DNHD1: variants seen among roughly 807,000 people sequenced by gnomAD.
DNHD1 encodes the protein dynein heavy chain domain-containing protein 1.
A neutral mutation model predicts 458.1 loss-of-function variants in DNHD1; 383 were observed. The observed-to-expected ratio is 0.84, with a 90% CI of 0.77 to 0.91. DNHD1 has a LOEUF of 0.91. Among genes scored for constraint, DNHD1 ranks in the 40% least tolerant of loss-of-function variants. The probability of loss-of-function intolerance (pLI) is 0.00; values close to 1 mark genes in which losing one functional copy is unlikely to be tolerated. For synonymous variants in DNHD1, 2,203 were observed against 2,376.9 expected (o/e 0.93, Z 2.13); for missense variants, 5,336 against 5,866.1 (o/e 0.91, Z 2.95).
In DNHD1 at chr11:6,548,784, T is replaced by A; in HGVS notation, c.7238T>A (p.Ile2413Asn). The A allele has an allele frequency of 6.4e-7, 1 of 1,551,650 alleles. No individual in the cohort carries two copies. The highest frequency in any genetic ancestry group is 1.2e-5 in the South Asian group (1 of 84,046). ...EPHHPYIYSP[I>N]HPAFSSSHLR... The stretch of plus-strand genomic sequence containing the variant: ...CATCACCCTTACATATACAGCCCCA[T>A]CCACCCTGCCTTCAGTTCCTCCCAC... Residue 2413 changes from isoleucine (I) to asparagine (N), a missense_variant, in exon 24 of 43, where the codon ATC becomes AAC. Physicochemically the swap from Ile to Asn is moderately radical, Grantham distance 149 (BLOSUM62 -3). Around this residue, in one of 4 missense-constraint regions of DNHD1, gnomAD observed 3,932 missense variants for 4,365.6 expected, o/e 0.90. Transcript: ENST00000254579. This position sits in a 1 kb window ranked among gnomAD's most constrained non-coding sequence, Gnocchi z 4.4.
intron 10 of DNHD1, among the ~76,000 whole-genome samples, chr11:6,523,907 G>C (rs1457954600): frequency 6.6e-6 from 1 of 152,148 alleles, no homozygotes; most frequent in African/African-American, 2.4e-5. Flanking sequence ...AGGATTGCTT[G>C]ATCTCAGGAG....
At chr11:6,524,992 T>C (rs1852681354) in intron 10 of DNHD1, among the ~76,000 whole-genome samples, 1 of 152,218 alleles carries the variant, frequency 6.6e-6, no homozygotes, top group Non-Finnish European at 1.5e-5. Flanking sequence ...TTCCTGCTTT[T>C]AGCTATATTT....
chr11:6,513,366 T>C (rs1465796818), intron 7 of DNHD1, among the ~76,000 whole-genome samples: 1 of 152,212 alleles, frequency 6.6e-6, no homozygotes, highest in Admixed American at 6.5e-5. Flanking sequence ...TGGTGCCTCT[T>C]TCATTGATAC....
rs1312555023 is a variant in DNHD1, at chr11:6,540,003, CAG to C, written c.3551_3552del (p.Glu1184AlafsTer19). On this transcript the variant is annotated frameshift_variant, in exon 18 of 43. Transcript: ENST00000254579. ...CATGTACCCTACGAGCCCCCAGCCT[CAG>C]AGCGCTCCAAGAGGCAGGTGCTCCG... is the stretch of plus-strand genomic sequence containing the variant. 4.5e-6 allele frequency: 7 copies of C among 1,551,574 alleles called. No homozygotes were observed. The African/African-American group carries it at 9.6e-5, about 21-fold the overall frequency.
chr11:6,566,976 C>T lies in DNHD1; in HGVS notation c.11467C>T (p.Gln3823Ter), dbSNP rs1197073197. 2.5e-6 allele frequency: 4 copies of T among 1,613,968 alleles called. No individual in the cohort carries two copies. In the Admixed American group the frequency reaches 5.0e-5, roughly 20 times the overall value. ...GTTTCTGCGGAACATAGTGAGGGCC[C>T]AAGGAAAGCTATGCCAGCTGCGTGC... ...AKFLRNIVRA[Q>*]GKLCQLRAHC... Residue 3823 changes from glutamine (Q) to a stop codon, truncating the protein, a stop_gained, in exon 36 of 43, where the codon CAA becomes TAA. Transcript: ENST00000254579. LOFTEE classifies it high-confidence loss of function.
At position 6,546,665 on chromosome 11, in the gene DNHD1, C is replaced by CTGCCCTACTGCA. The variant is rs11268490; in HGVS notation, c.5737_5738insATGCCCTACTGC (p.Leu1912_Arg1913insHisAlaLeuLeu). On this transcript the variant is annotated inframe_insertion, in exon 21 of 43. Transcript: ENST00000254579. Reference sequence around the variant, plus strand: ...CGCAGCCTAGCTGCCATTGAGGAGGCTGCCCTACTGCGCTCACCACTGTTT... The same window carrying CTGCCCTACTGCA: ...CGCAGCCTAGCTGCCATTGAGGAGGCTGCCCTACTGCATGCCCTACTGCGCTCACCACTGTTT... 1 allele frequency: 1,549,494 copies of CTGCCCTACTGCA among 1,550,764 alleles called. 774,112 individuals are homozygous for CTGCCCTACTGCA. The highest frequency in any genetic ancestry group is 1 in the South Asian group (84,020 of 84,028).
Position 6,547,048 on chromosome 11 carries a change from A to G in DNHD1, c.6109A>G (p.Ser2037Gly), listed in dbSNP as rs146014217. Residue 2037 changes from serine to glycine, a missense_variant, in exon 21 of 43, where the codon AGC becomes GGC. Around this residue, in one of 4 missense-constraint regions of DNHD1, gnomAD observed 3,932 missense variants for 4,365.6 expected, o/e 0.90. Transcript: ENST00000254579. Reference sequence around the variant, plus strand: ...TACCCACCTGTACCCCAGTGGCCTCAGCCCCCAGGAGTTCCTGGGATGGCT... The same window carrying G: ...TACCCACCTGTACCCCAGTGGCCTCGGCCCCCAGGAGTTCCTGGGATGGCT... ...EITHLYPSGLSPQEFLGWLEG... is the reference protein window; with the variant it reads ...EITHLYPSGLGPQEFLGWLEG... 10,607 of 1,551,674 alleles carry G rather than the reference A, an allele frequency of 6.8e-3. 43 individuals are homozygous for G. Among genetic ancestry groups the G allele is most frequent in the Non-Finnish European group, 8.2e-3 (9,456 of 1,146,970 alleles).
intron 14 of DNHD1, among the ~76,000 whole-genome samples, chr11:6,535,071 T>C (rs1852916815): frequency 6.6e-6 from 1 of 152,198 alleles, no homozygotes. Flanking sequence ...CTTATATGTA[T>C]GTTGGATTTA....
chr11:6,545,941 C>T lies in DNHD1; in HGVS notation c.5002C>T (p.Arg1668Trp), dbSNP rs1017044947. 1.5e-5 allele frequency: 23 copies of T among 1,551,660 alleles called. No homozygotes were observed. The highest frequency in any genetic ancestry group is 1.2e-4 in the Admixed American group (6 of 50,998). The part of the protein sequence containing the change: ...LGPLPSLLPE[R>W]PALVLLLALE... ...GCCTCTACCCAGCCTACTGCCTGAA[C>T]GGCCAGCCCTGGTACTATTATTGGC... Residue 1668 changes from arginine to tryptophan, a missense_variant, in exon 21 of 43, where the codon CGG (arginine) becomes TGG (tryptophan). By Grantham distance (101) the Arg-to-Trp change is moderately radical (BLOSUM62 -3). Coordinates refer to ENST00000254579, the MANE Select transcript of DNHD1 (RefSeq NM_144666.3). The surrounding 1 kb of genome is among the most constrained non-coding windows in gnomAD (Gnocchi z 4.9).
rs1853641724 is a variant in DNHD1 at position 6,564,071 on chromosome 11, C to T, written c.10231C>T (p.Pro3411Ser). ...QAQCGQYHKW[P>S]MKAALLTPMR... is the part of the protein sequence containing the mutation. ...ACAGTGTGGGCAGTATCACAAATGGCCCATGAAGGCTGCACTGCTCACGCC... is the reference window on the plus strand; with the variant it reads ...ACAGTGTGGGCAGTATCACAAATGGTCCATGAAGGCTGCACTGCTCACGCC... Residue 3411 changes from proline (P) to serine (S), a missense_variant, in exon 31 of 43, where the codon CCC becomes TCC. Around this residue, in one of 4 missense-constraint regions of DNHD1, gnomAD observed 3,932 missense variants for 4,365.6 expected, o/e 0.90. Coordinates refer to ENST00000254579, the MANE Select transcript of DNHD1 (RefSeq NM_144666.3). 6.4e-7 allele frequency: 1 copy of T among 1,551,640 alleles called. No homozygotes were observed. The highest frequency in any genetic ancestry group is 1.4e-5 in the African/African-American group (1 of 73,182).
Position 6,557,813 on chromosome 11 carries a change from C to T in DNHD1, c.8518C>T (p.Arg2840Ter), listed in dbSNP as rs1342727634. 2.4e-5 allele frequency: 38 copies of T among 1,551,288 alleles called. No individual in the cohort carries two copies. The highest frequency in any genetic ancestry group is 9.8e-5 in the East Asian group (4 of 40,936). Residue 2840 changes from arginine to a stop codon, truncating the protein, a stop_gained, in exon 25 of 43, where the codon CGA becomes TGA. Transcript: ENST00000254579. LOFTEE classifies it high-confidence loss of function. ...TGAGACCCCCAACTTGTACCTGGAACGACAGTGGGAGAAGCTAGAGGAGCA... is the reference window on the plus strand; with the variant it reads ...TGAGACCCCCAACTTGTACCTGGAATGACAGTGGGAGAAGCTAGAGGAGCA... ...NSETPNLYLE[R>*]QWEKLEEQLA... is the part of the protein sequence containing the mutation.
intron 7 of DNHD1, among the ~76,000 whole-genome samples, chr11:6,518,827 T>C (rs1288459218): frequency 6.6e-6 from 1 of 152,164 alleles, no homozygotes; most frequent in African/African-American, 2.4e-5. Flanking sequence ...AACTGTCTTA[T>C]GCTTGGGTCT....
In DNHD1 at chr11:6,517,129, G is replaced by C. The variant is rs1852489567; in HGVS notation, c.1393-2471G>C. 2.0e-5 allele frequency among the ~76,000 whole-genome samples: 3 copies of C among 152,208 alleles called. No homozygotes were observed. In the South Asian group the frequency reaches 6.2e-4, roughly 32 times the overall value. ...TTCTCACCACAGAAGGGACTAGCCAGCTCTCTGGGGCCTTTTAAAAATAAA... is the reference window on the plus strand; with the variant it reads ...TTCTCACCACAGAAGGGACTAGCCACCTCTCTGGGGCCTTTTAAAAATAAA... On this transcript the variant is annotated intron_variant, in intron 7 of 42. Transcript: ENST00000254579.
rs1222498636 is a variant in DNHD1 at position 6,547,954 on chromosome 11, G to C, written c.6819G>C (p.Val2273=). Residue 2273 remains valine (V), a synonymous_variant, in exon 22 of 43, where the codon GTG becomes GTC. Transcript: ENST00000254579. ...LNRSQVDSDD[V]PDKCREHLLA... is the part of the protein sequence containing the mutation. ...GGTCCCAGGTTGACAGTGACGATGT[G>C]CCAGATAAGTGCAGGGAACACTTGC... 12 of 1,551,730 alleles carry C rather than the reference G, an allele frequency of 7.7e-6. No individual in the cohort carries two copies. Among genetic ancestry groups the C allele is most frequent in the Non-Finnish European group, 9.6e-6 (11 of 1,147,030 alleles).
intron 8 of DNHD1, 24 bp downstream of exon 8, chr11:6,519,878 G>A: frequency 6.2e-7 from 1 of 1,612,834 alleles, no homozygotes; most frequent in Non-Finnish European, 8.5e-7. Flanking sequence ...TGGCATGTGT[G>A]GAGGTGGCAG....
At chr11:6,519,358 G>C (rs1483999789) in intron 7 of DNHD1, among the ~76,000 whole-genome samples, 1 of 152,118 alleles carries the variant, frequency 6.6e-6, no homozygotes, top group Non-Finnish European at 1.5e-5. Context: ...TCAGTAGACA[G>C]GCCTGGCCTA....
Position 6,558,180 on chromosome 11 carries a change from C to T in DNHD1, c.8885C>T (p.Thr2962Ile). 7.7e-6 allele frequency: 12 copies of T among 1,551,688 alleles called. No individual in the cohort carries two copies. Among genetic ancestry groups the T allele is most frequent in the Non-Finnish European group, 1.0e-5 (12 of 1,146,994 alleles). Reference sequence around the variant, plus strand: ...CTTCATCGCCTCCTGGCCCTGGCAACCTCAGGCAGTTTCCCTGGCCAGTAC... The same window carrying T: ...CTTCATCGCCTCCTGGCCCTGGCAATCTCAGGCAGTTTCCCTGGCCAGTAC... ...TTLHRLLALATSGSFPGQYTE... is the reference protein window; with the variant it reads ...TTLHRLLALAISGSFPGQYTE... Residue 2962 changes from threonine (T) to isoleucine (I), a missense_variant, in exon 25 of 43, where the codon ACC becomes ATC. Transcript: ENST00000254579.
intron 4 of DNHD1, among the ~76,000 whole-genome samples, chr11:6,506,929 A>G (rs1409681463): frequency 2.0e-5 from 3 of 152,200 alleles, no homozygotes; most frequent in Non-Finnish European, 4.4e-5. Flanking sequence ...TGAGTGAACT[A>G]ATTGCCCAGA....
At chr11:6,509,382 A>G in intron 6 of DNHD1, 110 bp downstream of exon 6, 1 of 947,696 alleles carries the variant, frequency 1.1e-6, no homozygotes, top group Non-Finnish European at 1.5e-6. Flanking sequence ...CACTAAGAAA[A>G]AACCTTTAAT....
Sources: allele counts gnomAD v4.1 joint callset (sites outside exome capture counted in the v4.1 genomes callset), GRCh38; gene constraint gnomAD v4.1.1; regional missense constraint gnomAD v4.1.1; non-coding constraint Gnocchi (gnomAD v3.1); transcripts MANE v1.5; gene names NCBI Gene and HGNC (gene_info 2026-07-23, HGNC 2026-07-21).